Variants in MGA observed in about 807,000 individuals in gnomAD.
MGA encodes the protein MAX gene-associated protein.
A neutral mutation model predicts 261.1 loss-of-function variants in MGA; 40 were observed. The observed-to-expected ratio is 0.15, with a 90% confidence interval of 0.12 to 0.20. The LOEUF (loss-of-function observed/expected upper bound fraction) is 0.20. Among genes scored for constraint, MGA ranks in the 10% least tolerant of loss-of-function variants. The pLI is 1.00. For missense variants in MGA, 3,397 were observed against 3,630.5 expected (o/e 0.94, Z 1.65); for synonymous variants, 1,302 against 1,290.6 (o/e 1.01, Z -0.19).
chr15:41,706,952 G>A (rs897557003), intron 5 of MGA, among the ~76,000 whole-genome samples: 6 of 151,946 alleles, frequency 3.9e-5, no homozygotes, highest in Non-Finnish European at 5.9e-5. Flanking sequence ...CCAAAATATT[G>A]CCTCTTAACC....
intron 17 of MGA, among the ~76,000 whole-genome samples, chr15:41,753,576 G>A (rs1272829889): frequency 6.6e-6 from 1 of 152,042 alleles, no homozygotes; most frequent in Non-Finnish European, 1.5e-5. Context: ...GCAATCGTGG[G>A]CTTTTTTGAA....
At position 41,750,294 on chromosome 15, in the gene MGA, A is replaced by T; in HGVS notation, c.6687A>T (p.Gly2229=). Residue 2229 remains glycine, a synonymous_variant, in exon 17 of 24, where the codon GGA becomes GGT. Coordinates refer to ENST00000219905, the MANE Select transcript of MGA (RefSeq NM_001164273.2). ...TCTCTGACTTACTTGGAAAAAGTGG[A>T]ATTACTGAAGATGCCAGAGTTTTGA... The T allele has an allele frequency of 6.2e-7, 1 of 1,614,002 alleles. No individual in the cohort carries two copies. Among genetic ancestry groups the T allele is most frequent in the Non-Finnish European group, 8.5e-7 (1 of 1,179,896 alleles).
intron 1 of MGA, 41 bp from the exon 2 acceptor site, chr15:41,668,787 G>T: frequency 1.4e-6 from 1 of 699,014 alleles, no homozygotes; most frequent in South Asian, 2.9e-5. Context: ...CTTGATTAAA[G>T]GGTGTTTTTT....
intron 8 of MGA, 113 bp downstream of exon 8, chr15:41,711,462 A>AT: frequency 1.8e-6 from 2 of 1,085,394 alleles, no homozygotes; most frequent in Non-Finnish European, 2.6e-6. Context: ...AGTTTTTAGC[A>AT]TTTAGAACCT....
chr15:41,668,288 T>C (rs2150938310), intron 1 of MGA, among the ~76,000 whole-genome samples: 1 of 152,322 alleles, frequency 6.6e-6, no homozygotes, highest in Admixed American at 6.5e-5. Flanking sequence ...TTTAAACGTG[T>C]GTACTAAGAA....
At chr15:41,714,963 T>G (rs2060552534) in intron 9 of MGA, among the ~76,000 whole-genome samples, 1 of 152,112 alleles carries the variant, frequency 6.6e-6, no homozygotes, top group African/African-American at 2.4e-5. Flanking sequence ...TTGCTAACTT[T>G]TATTGGAGTG....
chr15:41,696,795 A>G lies in MGA; in HGVS notation c.1785A>G (p.Thr595=), dbSNP rs773100863. 1.2e-6 allele frequency: 2 copies of G among 1,604,908 alleles called. No homozygotes were observed. Among genetic ancestry groups the G allele is most frequent in the South Asian group, 2.2e-5 (2 of 89,452 alleles). Residue 595 remains threonine, a synonymous_variant, in exon 3 of 24, where the codon ACA becomes ACG. Transcript: ENST00000219905. Reference sequence around the variant, plus strand: ...GAACAACTATGCTTAAGATTGCAACAGCCGCAAAGGTAGTGAATGCTAATC... The same window carrying G: ...GAACAACTATGCTTAAGATTGCAACGGCCGCAAAGGTAGTGAATGCTAATC...
intron 19 of MGA, among the ~76,000 whole-genome samples, chr15:41,759,572 A>C (rs2063341919): frequency 6.6e-6 from 1 of 151,228 alleles, no homozygotes; most frequent in African/African-American, 2.4e-5. Context: ...AAAGTGCTGG[A>C]AATTACAGGT....
In MGA at chr15:41,642,885, C is replaced by T. The variant is rs572499767; in HGVS notation, c.-68+21587C>T. Reference sequence around the variant, plus strand: ...TCAGCCTCCCAAAGTGCTGGGATTACAGGCGTGAGCCACCATGCCTGGCCT... The same window carrying T: ...TCAGCCTCCCAAAGTGCTGGGATTATAGGCGTGAGCCACCATGCCTGGCCT... On this transcript the variant is annotated intron_variant, in intron 1 of 8. Transcript: ENST00000566718. Among the ~76,000 whole-genome samples, 68 of 151,220 alleles carry T rather than the reference C, an allele frequency of 4.5e-4. No homozygotes were observed. In the South Asian group the frequency reaches 0.011, roughly 24 times the overall value.
Position 41,750,453 on chromosome 15 carries a change from A to T in MGA, c.6846A>T (p.Gln2282His), listed in dbSNP as rs780587125. 13 of 1,613,858 alleles carry T rather than the reference A, an allele frequency of 8.1e-6. No homozygotes were observed. The highest frequency in any genetic ancestry group is 3.4e-6 in the Non-Finnish European group (4 of 1,179,870). ...TACTGCTACCTGGAGAACAGATACA[A>T]CCAAAGCAAGAGAAGAAGGGTGGGA... The change falls in exon 17 of 24, where the codon CAA becomes CAT. Residue 2282 changes from glutamine (Q) to histidine (H), a missense_variant. Coordinates refer to ENST00000219905, the MANE Select transcript of MGA (RefSeq NM_001164273.2).
At chr15:41,708,283 G>A (rs2060216315) in intron 7 of MGA, 75 bp downstream of exon 7, 3 of 1,091,262 alleles carry the variant, frequency 2.7e-6, no homozygotes, top group African/African-American at 3.2e-5. Flanking sequence ...GTAAGTCTTG[G>A]TTGTTTTTCT....
chr15:41,732,384 G>A (rs567408388), intron 11 of MGA, among the ~76,000 whole-genome samples: 1 of 152,230 alleles, frequency 6.6e-6, no homozygotes. Flanking sequence ...TCCTGACGTC[G>A]TGATCCGCGC....
rs1289010891 is a variant in MGA at position 41,669,273 on chromosome 15, A to G, written c.379A>G (p.Ile127Val). The G allele has an allele frequency of 3.7e-6, 6 of 1,613,990 alleles. No homozygotes were observed. The highest frequency in any genetic ancestry group is 2.2e-5 in the East Asian group (1 of 44,892). The change falls in exon 2 of 24, where the codon ATA becomes GTA. Residue 127 changes from isoleucine (I) to valine (V), a missense_variant. By Grantham distance (29) the Ile-to-Val change is conservative (BLOSUM62 3). This residue lies in a region of MGA where 104 missense variants were observed against 212.9 expected (regional missense o/e 0.49). Coordinates refer to ENST00000219905, the MANE Select transcript of MGA (RefSeq NM_001164273.2). ...TTTGAAGTATATTCTTGTCATGGAT[A>G]TATCTCCTGTGGATAACCATCGTTA...
At chr15:41,681,078 G>T (rs1337816232) in intron 2 of MGA, among the ~76,000 whole-genome samples, 1 of 152,086 alleles carries the variant, frequency 6.6e-6, no homozygotes, top group African/African-American at 2.4e-5. Context: ...TAGAAGCTTT[G>T]TACCAGGAAC....
chr15:41,706,585 C>CTTT lies in MGA; in HGVS notation c.2189-1132_2189-1130dup, dbSNP rs11407130. 1.3e-3 allele frequency among the ~76,000 whole-genome samples: 178 copies of CTTT among 136,458 alleles called. 3 individuals carry two copies. The highest frequency in any genetic ancestry group is 7.8e-3 in the Middle Eastern group (2 of 258). 89.5% of individuals were successfully genotyped at this position (136,458 alleles called of 152,430 possible). A position where few individuals can be genotyped will look rare whatever the true frequency, so the allele number is the denominator to read the frequency against. On this transcript the variant is annotated intron_variant, in intron 5 of 23. Coordinates refer to ENST00000219905, the MANE Select transcript of MGA (RefSeq NM_001164273.2). The stretch of plus-strand genomic sequence containing the variant: ...TTAACACTTAGCTTTTTTTTTTTCC[C>CTTT]TTTTTTTTTTTTTGAGATAGAGTCT...
Position 41,764,907 on chromosome 15 carries a change from C to T in MGA, c.7766C>T (p.Thr2589Ile). 6.2e-7 allele frequency: 1 copy of T among 1,614,030 alleles called. No individual in the cohort carries two copies. Among genetic ancestry groups the T allele is most frequent in the Non-Finnish European group, 8.5e-7 (1 of 1,179,890 alleles). Residue 2589 changes from threonine to isoleucine, a missense_variant, in exon 23 of 24, where the codon ACT becomes ATT. Thr to Ile is a moderately conservative substitution (Grantham distance 89). Around this residue, in one of 9 missense-constraint regions of MGA, gnomAD observed 647 missense variants for 642.4 expected, o/e 1.01. Coordinates refer to ENST00000219905, the MANE Select transcript of MGA (RefSeq NM_001164273.2). ...ACAGAAAATACCTCACCCTTGAACA[C>T]TCCACACACCTCTGCCAACCTTGTG... is the stretch of plus-strand genomic sequence containing the variant.
At chr15:41,644,777 T>C (rs1444467180) in intron 1 of MGA, among the ~76,000 whole-genome samples, 1 of 152,202 alleles carries the variant, frequency 6.6e-6, no homozygotes, top group Non-Finnish European at 1.5e-5. Context: ...CCTTATTTTA[T>C]AAATGTGGAA....
intron 1 of MGA, among the ~76,000 whole-genome samples, chr15:41,625,860 A>T (rs1595532690): frequency 6.6e-6 from 1 of 152,352 alleles, no homozygotes; most frequent in African/African-American, 2.4e-5. Context: ...TTATGTGATC[A>T]CATTTTTGTA....
chr15:41,649,199 T>C (rs1170164993), intron 1 of MGA, among the ~76,000 whole-genome samples: 1 of 151,838 alleles, frequency 6.6e-6, no homozygotes, highest in African/African-American at 2.4e-5. Context: ...CTGGCCAAGA[T>C]GGTGAAACTT....
Sources: gnomAD v4.1 joint callset for allele counts (sites outside exome capture counted in the v4.1 genomes callset) on GRCh38, gnomAD v4.1.1 for gene constraint, gnomAD v4.1.1 regional missense constraint, MANE v1.5 for transcripts, NCBI Gene and HGNC (gene_info 2026-07-23, HGNC 2026-07-21) for gene names.